Variants in TAMM41 observed in about 807,000 individuals in gnomAD.
The protein encoded by TAMM41 is phosphatidate cytidylyltransferase, mitochondrial.
Under a neutral mutation model 44.1 loss-of-function variants are expected in TAMM41, and 36 were observed. The observed-to-expected ratio is 0.82, with a 90% CI of 0.63 to 1.08. The LOEUF (loss-of-function observed/expected upper bound fraction) is 1.08, where lower values mean the gene tolerates loss of function less well. Ranked by LOEUF, TAMM41 falls within the 50% of genes least tolerant of loss-of-function variation. TAMM41 has a pLI of 0.00. For synonymous variants in TAMM41, 164 were observed against 153.1 expected (o/e 1.07, Z -0.53); for missense variants, 417 against 404.3 (o/e 1.03, Z -0.27).
At chr3:11,767,589 GT>G in the TAMM41 span, among the ~76,000 whole-genome samples, 4 of 144,446 alleles carry the variant, frequency 2.8e-5, no homozygotes, top group African/African-American at 1.0e-4. Context: ...ATGTACGAGG[GT>G]TCCACTTACT....
chr3:11,846,810 C>A lies in TAMM41; in HGVS notation c.-174G>T, dbSNP rs1419432349. 2 of 784,736 alleles carry A rather than the reference C, an allele frequency of 2.5e-6. No homozygotes were observed. The highest frequency in any genetic ancestry group is 3.8e-4 in the Middle Eastern group (1 of 2,658). 48.6% of individuals were successfully genotyped at this position (784,736 alleles called of 1,614,324 possible). On this transcript the variant is annotated 5_prime_UTR_variant, in exon 1 of 8. Coordinates refer to ENST00000455809, the MANE Select transcript of TAMM41 (RefSeq NM_001284401.2). ...CACACGCAAGGATTGGGGCGTTGGG[C>A]CACGAAGAGCAGCGGCGAGAAGACG...
rs752255792 is a variant in TAMM41 at position 11,829,748 on chromosome 3, GTCT to G, written c.525_527del (p.Glu175del). 1.2e-6 allele frequency: 2 copies of G among 1,614,184 alleles called. No individual in the cohort carries two copies. Among genetic ancestry groups the G allele is most frequent in the Non-Finnish European group, 1.7e-6 (2 of 1,180,024 alleles). On this transcript the variant is annotated inframe_deletion, in exon 4 of 8. Transcript: ENST00000455809. ...AGAGACCGGCAATCTCTATGAAGAG[GTCT>G]TCTTCAGAAAAGCTTTCGGGGAGCA...
chr3:11,834,862 T>C (rs1324608685), intron 3 of TAMM41, among the ~76,000 whole-genome samples: 3 of 152,102 alleles, frequency 2.0e-5, no homozygotes, highest in African/African-American at 7.2e-5. Flanking sequence ...AATTTTTGCA[T>C]TTTTTAGTAG....
At chr3:11,794,717 G>A (rs2077564802) in intron 7 of TAMM41, among the ~76,000 whole-genome samples, 1 of 152,158 alleles carries the variant, frequency 6.6e-6, no homozygotes, top group Non-Finnish European at 1.5e-5. Context: ...ACACACGTAA[G>A]ACTATGAACT....
rs146937663 is a variant in TAMM41, at chr3:11,831,389, A to G, written c.412-1525T>C. ...CTCTTCAGAGTGGTTATGCCAATTTACACTCGTACCATGATCTTTTAAAAA... is the reference window on the plus strand; with the variant it reads ...CTCTTCAGAGTGGTTATGCCAATTTGCACTCGTACCATGATCTTTTAAAAA... On this transcript the variant is annotated intron_variant, in intron 3 of 7. Transcript: ENST00000455809. Among the ~76,000 whole-genome samples, 152 of 152,342 alleles carry G rather than the reference A, an allele frequency of 1.0e-3. 1 individual carries two copies. Among genetic ancestry groups the G allele is most frequent in the African/African-American group, 3.5e-3 (145 of 41,582 alleles).
chr3:11,833,220 G>C (rs908985547), intron 3 of TAMM41: 2 of 1,201,200 alleles, frequency 1.7e-6, no homozygotes, highest in Non-Finnish European at 2.1e-6. Flanking sequence ...GCCCCGACCT[G>C]AACTGCATAG....
chr3:11,756,117 A>G, the TAMM41 span, among the ~76,000 whole-genome samples: 10 of 152,184 alleles, frequency 6.6e-5, no homozygotes, highest in African/African-American at 2.2e-4. Flanking sequence ...TTGCGGCTCA[A>G]ATGACTTTTA....
chr3:11,768,300 C>T, the TAMM41 span, among the ~76,000 whole-genome samples: 1 of 151,910 alleles, frequency 6.6e-6, no homozygotes, highest in Non-Finnish European at 1.5e-5. Flanking sequence ...GCATACTAGG[C>T]TAATTTTAAA....
At chr3:11,735,518 C>T in the TAMM41 span, among the ~76,000 whole-genome samples, 1 of 151,996 alleles carries the variant, frequency 6.6e-6, no homozygotes, top group African/African-American at 2.4e-5. Flanking sequence ...CCTATAGTCC[C>T]AGCTACTTGG....
the TAMM41 span, among the ~76,000 whole-genome samples, chr3:11,748,852 G>C: frequency 2.0e-5 from 3 of 151,666 alleles, no homozygotes; most frequent in Middle Eastern, 3.4e-3. Context: ...GGTCCCAGGG[G>C]TTCCTGCTTG....
chr3:11,776,052 T>G, the TAMM41 span, among the ~76,000 whole-genome samples: 1 of 151,080 alleles, frequency 6.6e-6, no homozygotes, highest in African/African-American at 2.4e-5. Context: ...CTCGCTCTGT[T>G]GCCCAGGCTA....
At chr3:11,807,679 C>T in intron 7 of TAMM41, 154 bp downstream of exon 7, 1 of 1,536,300 alleles carries the variant, frequency 6.5e-7, no homozygotes. Context: ...TGCTGTTATG[C>T]CTGTTTGTAC....
At chr3:11,836,323 T>C (rs2079173942) in intron 3 of TAMM41, among the ~76,000 whole-genome samples, 1 of 151,906 alleles carries the variant, frequency 6.6e-6, no homozygotes, top group Admixed American at 6.6e-5. Flanking sequence ...TTGTGGACCT[T>C]TATTCTACAG....
intron 7 of TAMM41, among the ~76,000 whole-genome samples, chr3:11,805,140 T>G (rs1223035118): frequency 1.3e-5 from 2 of 151,234 alleles, no homozygotes; most frequent in Middle Eastern, 3.2e-3. Flanking sequence ...AAGGTGGGAC[T>G]ACAGGCATGT....
intron 7 of TAMM41, among the ~76,000 whole-genome samples, chr3:11,795,877 C>A (rs1368101548): frequency 6.6e-6 from 1 of 152,162 alleles, no homozygotes; most frequent in African/African-American, 2.4e-5. Context: ...GAAGAGCAGG[C>A]AAATTTTAGG....
chr3:11,743,458 C>CTGG, the TAMM41 span, among the ~76,000 whole-genome samples: 1 of 151,860 alleles, frequency 6.6e-6, no homozygotes, highest in Non-Finnish European at 1.5e-5. Context: ...CTCAGCCTCC[C>CTGG]AATTAGCTGG....
At chr3:11,802,175 G>A (rs1047096256) in intron 7 of TAMM41, among the ~76,000 whole-genome samples, 1 of 152,174 alleles carries the variant, frequency 6.6e-6, no homozygotes, top group Non-Finnish European at 1.5e-5. Context: ...CCATGATTGT[G>A]CCACTGCACC....
At chr3:11,758,383 G>A in the TAMM41 span, among the ~76,000 whole-genome samples, 14 of 152,254 alleles carry the variant, frequency 9.2e-5, no homozygotes, top group East Asian at 1.5e-3. Flanking sequence ...ACGGAGTCTC[G>A]CTCTGTTGCC....
At chr3:11,789,837 C>T (rs1415512127), downstream of TAMM41, among the ~76,000 whole-genome samples, 4 of 152,168 alleles carry the variant, frequency 2.6e-5, no homozygotes, top group African/African-American at 4.8e-5. Context: ...AGCCTCAGCA[C>T]GATGCTAACA....
Sources: gnomAD v4.1 joint callset for allele counts (sites outside exome capture counted in the v4.1 genomes callset) on GRCh38, gnomAD v4.1.1 for gene constraint, MANE v1.5 for transcripts, NCBI Gene and HGNC (gene_info 2026-07-23, HGNC 2026-07-21) for gene names.